The following ESRRB variants were observed in gnomAD, a reference collection of about 807,000 sequenced individuals.
ESRRB encodes steroid hormone receptor ERR2.
ESRRB carries 16 observed loss-of-function variants against 46.0 expected under a neutral mutation model. That is an observed-to-expected ratio of 0.35 (90% CI 0.24 to 0.53). The LOEUF is 0.53. Among genes scored for constraint, ESRRB ranks in the 20% least tolerant of loss-of-function variants. The probability of loss-of-function intolerance (pLI) is 0.93; values close to 1 mark genes in which losing one functional copy is unlikely to be tolerated. For synonymous variants in ESRRB, 246 were observed against 259.6 expected, an observed-to-expected ratio of 0.95 and a Z score of 0.50; for missense variants, 488 against 607.4, an observed-to-expected ratio of 0.80 and a Z score of 2.07.
intron 1 of ESRRB, among the ~76,000 whole-genome samples, chr14:76,325,734 C>T (rs1251543830): frequency 6.6e-6 from 1 of 152,190 alleles, no homozygotes; most frequent in African/African-American, 2.4e-5. Flanking sequence ...TATCTTGCCA[C>T]TAAACAAGTA....
chr14:76,441,744 T>G (rs567370437), intron 2 of ESRRB, among the ~76,000 whole-genome samples: 11 of 152,182 alleles, frequency 7.2e-5, no homozygotes, highest in Middle Eastern at 3.4e-3. Context: ...ATAGACAAAA[T>G]CTCTACTCAT....
At chr14:76,462,519 G>A (rs753137724) in intron 2 of ESRRB, 26 bp from the exon 3 acceptor site, 23 of 1,598,742 alleles carry the variant, frequency 1.4e-5, no homozygotes, top group Non-Finnish European at 2.0e-5. Flanking sequence ...CCAGCACCCG[G>A]CAACCCTCTC....
At position 76,498,968 on chromosome 14, in the gene ESRRB, T is replaced by C; in HGVS notation, c.*510T>C. 2.3e-6 allele frequency: 1 copy of C among 428,716 alleles called. No individual in the cohort carries two copies. Among genetic ancestry groups the C allele is most frequent in the South Asian group, 1.8e-5 (1 of 55,500 alleles). The allele number at this position is 428,716 out of a possible 1,614,324, so 26.6% of individuals were successfully genotyped here. On this transcript the variant is annotated 3_prime_UTR_variant, in exon 7 of 7. Transcript: ENST00000644823. ...AGAGGTCCTACCTGCTCTGAGATCC[T>C]CTGGGGCCGGTCAAGAGGCCCCATA... is the stretch of plus-strand genomic sequence containing the variant.
intron 1 of ESRRB, among the ~76,000 whole-genome samples, chr14:76,408,884 G>T (rs1886314376): frequency 6.6e-6 from 1 of 152,186 alleles, no homozygotes; most frequent in Non-Finnish European, 1.5e-5. Context: ...TTTCAACCAG[G>T]CATTGTTCTG....
At position 76,376,337 on chromosome 14, in the gene ESRRB, C is replaced by T. The variant is rs1422866153; in HGVS notation, c.-65C>T. The T allele has an allele frequency of 5.1e-6, 6 of 1,187,542 alleles. No individual in the cohort carries two copies. The highest frequency in any genetic ancestry group is 6.3e-6 in the Non-Finnish European group (6 of 947,772). The allele number at this position is 1,187,542 out of a possible 1,614,324, so 73.6% of individuals were successfully genotyped here. The stretch of plus-strand genomic sequence containing the variant: ...GCTCGCACCTTGCCCGTGCCCTTCA[C>T]TCGCTCTTCCGCGTGATTTCCCCGC... On this transcript the variant is annotated 5_prime_UTR_variant, in exon 1 of 7. Transcript: ENST00000644823. The surrounding 1 kb of genome is among the most constrained non-coding windows in gnomAD (Gnocchi z 4.1).
intron 1 of ESRRB, among the ~76,000 whole-genome samples, chr14:76,347,133 G>A (rs541740243): frequency 1.3e-5 from 2 of 152,330 alleles, no homozygotes; most frequent in East Asian, 3.9e-4. Flanking sequence ...CCTGTAGGGA[G>A]ACTGATGCCT....
In ESRRB at chr14:76,415,511, T is replaced by G. The variant is rs189291712; in HGVS notation, c.51-23830T>G. Among the ~76,000 whole-genome samples, 527 of 151,392 alleles carry G rather than the reference T, an allele frequency of 3.5e-3. 1 individual carries two copies. The highest frequency in any genetic ancestry group is 0.012 in the African/African-American group (513 of 41,256). On this transcript the variant is annotated intron_variant, in intron 1 of 6. Transcript: ENST00000644823. ...CCTGTCTCTACTAAAAATACAAAAA[T>G]TAGCCAGGCGTGGTGGTTTGCACCT...
rs563655889 is a variant in ESRRB, at chr14:76,429,858, TG to T, written c.51-9482del. Among the ~76,000 whole-genome samples, 6 of 152,292 alleles carry T rather than the reference TG, an allele frequency of 3.9e-5. No individual in the cohort carries two copies. The South Asian group carries it at 1.2e-3, about 32-fold the overall frequency. ...TCTGAGTTTAAGTTTTATGTGTGTGTGTGTGTGTGTGTGTAATTAATGGATC... is the reference window on the plus strand; with the variant it reads ...TCTGAGTTTAAGTTTTATGTGTGTGTTGTGTGTGTGTGTAATTAATGGATC... On this transcript the variant is annotated intron_variant, in intron 1 of 6. Coordinates refer to ENST00000644823, the MANE Select transcript of ESRRB (RefSeq NM_001379180.1).
chr14:76,426,749 G>C (rs1160036419), intron 1 of ESRRB, among the ~76,000 whole-genome samples: 1 of 152,108 alleles, frequency 6.6e-6, no homozygotes, highest in East Asian at 1.9e-4. Flanking sequence ...CAATAGTTGA[G>C]GCCAGGCACA....
At chr14:76,490,339 T>A (rs1178701852) in intron 5 of ESRRB, among the ~76,000 whole-genome samples, 1 of 152,244 alleles carries the variant, frequency 6.6e-6, no homozygotes, top group Non-Finnish European at 1.5e-5. Flanking sequence ...TAAATCAAGA[T>A]GTTAATTGAC....
chr14:76,449,896 C>T (rs987866566), intron 2 of ESRRB, among the ~76,000 whole-genome samples: 1 of 151,630 alleles, frequency 6.6e-6, no homozygotes, highest in South Asian at 2.1e-4. Flanking sequence ...GCTGGAATTA[C>T]AGGCATGCAC....
At chr14:76,317,180 G>GCCTGTC (rs1883811171) in intron 1 of ESRRB, among the ~76,000 whole-genome samples, 1 of 152,154 alleles carries the variant, frequency 6.6e-6, no homozygotes, top group Non-Finnish European at 1.5e-5. Flanking sequence ...TCAGGCTGCT[G>GCCTGTC]AGGGTTAAAT....
chr14:76,500,542 G>A lies in ESRRB; in HGVS notation c.*2084G>A, dbSNP rs1483958680. 2 of 744,722 alleles carry A rather than the reference G, an allele frequency of 2.7e-6. No homozygotes were observed. The highest frequency in any genetic ancestry group is 4.8e-6 in the Non-Finnish European group (2 of 418,132). 46.1% of individuals were successfully genotyped at this position (744,722 alleles called of 1,614,324 possible). Reference sequence around the variant, plus strand: ...AAACCTTCACAGTAGAGACCTTGGGGTGTGTGCTTTGGGACTCCCTCAGTC... The same window carrying A: ...AAACCTTCACAGTAGAGACCTTGGGATGTGTGCTTTGGGACTCCCTCAGTC... On this transcript the variant is annotated 3_prime_UTR_variant, in exon 7 of 7. Coordinates refer to ENST00000644823, the MANE Select transcript of ESRRB (RefSeq NM_001379180.1).
Position 76,336,103 on chromosome 14 carries a change from C to T in ESRRB, c.2+25187C>T, listed in dbSNP as rs572736248. Among the ~76,000 whole-genome samples, 5 of 152,296 alleles carry T rather than the reference C, an allele frequency of 3.3e-5. No homozygotes were observed. The South Asian group carries it at 1.0e-3, about 32-fold the overall frequency. On this transcript the variant is annotated intron_variant, in intron 1 of 6. Coordinates refer to the ESRRB transcript ENST00000512784. Reference sequence around the variant, plus strand: ...GTGTCATCCTGTGGCTTCCTCTTACCATGTGGAAAGCAGGTCAGAAAGATC... The same window carrying T: ...GTGTCATCCTGTGGCTTCCTCTTACTATGTGGAAAGCAGGTCAGAAAGATC...
chr14:76,436,019 C>T (rs1337316577), intron 1 of ESRRB, among the ~76,000 whole-genome samples: 1 of 152,230 alleles, frequency 6.6e-6, no homozygotes, highest in Non-Finnish European at 1.5e-5. Context: ...CCTCACCAAC[C>T]CTGATAGAGG....
chr14:76,366,323 C>T (rs900729269), intron 1 of ESRRB, among the ~76,000 whole-genome samples: 5 of 152,178 alleles, frequency 3.3e-5, no homozygotes, highest in African/African-American at 4.8e-5. Flanking sequence ...TCCCTCAACA[C>T]GAACACACAA....
At chr14:76,364,498 G>A (rs1321509633) in intron 1 of ESRRB, among the ~76,000 whole-genome samples, 2 of 152,080 alleles carry the variant, frequency 1.3e-5, no homozygotes, top group Non-Finnish European at 1.5e-5. Context: ...AGACCAGCTT[G>A]GCCAACATGG....
chr14:76,321,690 T>C (rs1374072775), intron 1 of ESRRB, among the ~76,000 whole-genome samples: 1 of 152,140 alleles, frequency 6.6e-6, no homozygotes, highest in African/African-American at 2.4e-5. Flanking sequence ...AGGCATTTTT[T>C]GAGAGCCTGT....
At chr14:76,424,430 G>GT (rs1314619436) in intron 1 of ESRRB, among the ~76,000 whole-genome samples, 1 of 152,178 alleles carries the variant, frequency 6.6e-6, no homozygotes, top group African/African-American at 2.4e-5. Context: ...ATCCTGTCCT[G>GT]GTGTGCACAA....
Sources: allele counts gnomAD v4.1 joint callset (sites outside exome capture counted in the v4.1 genomes callset), GRCh38; gene constraint gnomAD v4.1.1; non-coding constraint Gnocchi (gnomAD v3.1); transcripts MANE v1.5; gene names NCBI Gene and HGNC (gene_info 2026-07-23, HGNC 2026-07-21).